POLR2M: variants seen among roughly 807,000 people sequenced by gnomAD.
POLR2M encodes RNA polymerase II subunit M.
Under a neutral mutation model 34.6 loss-of-function variants are expected in POLR2M, and 30 were observed. The observed-to-expected ratio is 0.87, with a 90% confidence interval of 0.65 to 1.18. POLR2M has a LOEUF of 1.18. Among genes scored for constraint, POLR2M ranks in the 50% most tolerant of loss-of-function variants. POLR2M has a pLI of 0.00. For synonymous variants in POLR2M, 150 were observed against 166.7 expected (o/e 0.90, Z 0.77); for missense variants, 432 against 448.7 (o/e 0.96, Z 0.34).
intron 2 of POLR2M, among the ~76,000 whole-genome samples, chr15:57,709,779 G>C (rs1214318399): frequency 1.3e-5 from 2 of 152,140 alleles, no homozygotes; most frequent in Non-Finnish European, 2.9e-5. Flanking sequence ...GAGTTGGAGA[G>C]AATTTATTAT....
chr15:57,713,820 CTTTTTTTTTTTTTTTTTTTTTTTTTT>C (rs869161314), intron 3 of POLR2M, among the ~76,000 whole-genome samples: 17 of 65,640 alleles, frequency 2.6e-4, no homozygotes, highest in African/African-American at 8.3e-4. Context: ...ATTAGTCCTT[CTTTTTTTTTTTTTTTTTTTTTTTTTT>C]TTTTTTTTTT....
chr15:57,712,945 T>C (rs2040792330), intron 3 of POLR2M, among the ~76,000 whole-genome samples: 1 of 152,260 alleles, frequency 6.6e-6, no homozygotes, highest in East Asian at 1.9e-4. Context: ...TTAGCTAGAT[T>C]TTAGTCAGGT....
chr15:57,707,105 G>A lies in POLR2M; in HGVS notation c.113+150G>A, dbSNP rs1395873663. Reference sequence around the variant, plus strand: ...CAGTCCTACGGGCGAGTGGACGGAGGGCTTGCTGCGGCAGAGCCGTGCCTC... The same window carrying A: ...CAGTCCTACGGGCGAGTGGACGGAGAGCTTGCTGCGGCAGAGCCGTGCCTC... On this transcript the variant is annotated intron_variant, in intron 1 of 3. Coordinates refer to ENST00000299638, the MANE Select transcript of POLR2M (RefSeq NM_015532.5). 3.9e-6 allele frequency: 6 copies of A among 1,546,642 alleles called. No homozygotes were observed. In the East Asian group the frequency reaches 1.5e-4, roughly 38 times the overall value.
rs1440187750 is a variant in POLR2M, at chr15:57,708,970, T to C, written c.370T>C (p.Ser124Pro). 2.5e-6 allele frequency: 4 copies of C among 1,614,116 alleles called. No individual in the cohort carries two copies. The highest frequency in any genetic ancestry group is 3.4e-6 in the Non-Finnish European group (4 of 1,179,968). Residue 124 changes from serine (S) to proline (P), a missense_variant, in exon 2 of 4, where the codon TCT becomes CCT. Physicochemically the swap from Ser to Pro is moderately conservative, Grantham distance 74 (BLOSUM62 -1). Transcript: ENST00000299638. ...GCSSVDNIKS[S>P]QTSQNQGLGR... The stretch of plus-strand genomic sequence containing the variant: ...TTCCTCTGTAGATAACATCAAGTCA[T>C]CTCAAACCTCACAAAACCAGGGACT...
intron 2 of POLR2M, among the ~76,000 whole-genome samples, chr15:57,710,766 C>G (rs371264419): frequency 1.3e-5 from 2 of 152,042 alleles, no homozygotes; most frequent in Admixed American, 6.5e-5. Context: ...CAGGGAGCCT[C>G]CTGTATAAGT....
intron 1 of POLR2M, 132 bp downstream of exon 1, chr15:57,707,087 A>G (rs565182386): frequency 1.9e-6 from 3 of 1,549,990 alleles, no homozygotes; most frequent in Admixed American, 2.0e-5. Context: ...CTTCAGTCCT[A>G]CGGGCGAGTG....
chr15:57,712,377 A>C (rs2040761384), intron 3 of POLR2M, among the ~76,000 whole-genome samples, 189 bp downstream of exon 3: 1 of 152,206 alleles, frequency 6.6e-6, no homozygotes, highest in African/African-American at 2.4e-5. Flanking sequence ...AGAGATGATC[A>C]CAGCTACCTT....
In POLR2M at chr15:57,714,623, G is replaced by A; in HGVS notation, c.1051G>A (p.Gly351Arg). 6.2e-7 allele frequency: 1 copy of A among 1,612,848 alleles called. No homozygotes were observed. Among genetic ancestry groups the A allele is most frequent in the South Asian group, 1.1e-5 (1 of 91,018 alleles). The change falls in exon 4 of 4, where the codon GGG becomes AGG. Residue 351 changes from glycine to arginine, a missense_variant. Coordinates refer to ENST00000299638, the MANE Select transcript of POLR2M (RefSeq NM_015532.5). ...TTATAATCCAGAAGGGGAGTCTTCA[G>A]GGAGATACCGAGAAGTAAGGGATGA... ...RSYNPEGESS[G>R]RYREVRDEDD...
chr15:57,711,188 C>G (rs1391827748), intron 2 of POLR2M, among the ~76,000 whole-genome samples: 2 of 152,172 alleles, frequency 1.3e-5, no homozygotes, highest in African/African-American at 4.8e-5. Flanking sequence ...ATCTCCATAT[C>G]TGCTAGCCAT....
chr15:57,711,745 G>GAAA (rs11459856), intron 2 of POLR2M, among the ~76,000 whole-genome samples: 6,310 of 125,098 alleles, frequency 0.05, 183 homozygotes, highest in Middle Eastern at 0.13. Context: ...TTGAATAAAT[G>GAAA]AAAAAAAAAA....
chr15:57,711,685 T>A (rs1484279653), intron 2 of POLR2M, among the ~76,000 whole-genome samples: 3 of 151,414 alleles, frequency 2.0e-5, no homozygotes, highest in East Asian at 3.9e-4. Flanking sequence ...ACTGAAACTT[T>A]ACATGTGTAT....
At chr15:57,707,990 C>G (rs1345493695) in intron 1 of POLR2M, among the ~76,000 whole-genome samples, 2 of 152,140 alleles carry the variant, frequency 1.3e-5, no homozygotes, top group African/African-American at 4.8e-5. Flanking sequence ...AAAAGGAACT[C>G]TGTCATCCAG....
rs191551756 is a variant in POLR2M, at chr15:57,715,074, C to G, written c.*395C>G. On this transcript the variant is annotated 3_prime_UTR_variant, in exon 4 of 4. Transcript: ENST00000299638. Reference sequence around the variant, plus strand: ...CTTAGTTGTTCCAGGCACCTAAAATCAATTAGGAAGACATAGTTCCCTTCT... The same window carrying G: ...CTTAGTTGTTCCAGGCACCTAAAATGAATTAGGAAGACATAGTTCCCTTCT... 8.5e-4 allele frequency: 152 copies of G among 179,716 alleles called. No homozygotes were observed. Among genetic ancestry groups the G allele is most frequent in the African/African-American group, 3.3e-3 (139 of 41,678 alleles). The allele number at this position is 179,716 out of a possible 1,614,324, so 11.1% of individuals were successfully genotyped here.
Position 57,706,933 on chromosome 15 carries a change from C to T in POLR2M, c.91C>T (p.Gln31Ter). Residue 31 changes from glutamine to a stop codon, truncating the protein, a stop_gained, in exon 1 of 4, where the codon CAG becomes TAG. Transcript: ENST00000299638. LOFTEE classifies it high-confidence loss of function. ...GGAGCTGCGGGAAATGTTGAAGCGC[C>T]AGGAGAGACTTTTGCGCAACGAGTA... ...LVELREMLKRQERLLRNEKFI... is the reference protein window; with the variant it reads ...LVELREMLKR 6.2e-7 allele frequency: 1 copy of T among 1,603,828 alleles called. No individual in the cohort carries two copies. Among genetic ancestry groups the T allele is most frequent in the Non-Finnish European group, 8.5e-7 (1 of 1,175,242 alleles).
Position 57,714,567 on chromosome 15 carries a change from T to G in POLR2M, c.995T>G (p.Leu332Ter), listed in dbSNP as rs1301368207. Residue 332 changes from leucine to a stop codon, truncating the protein, a stop_gained, in exon 4 of 4, where the codon TTA becomes TGA. Transcript: ENST00000299638. LOFTEE classifies it high-confidence loss of function. The part of the protein sequence containing the change: ...EMQAKLAAQK[L>*]AERLNIKMRS... ...CAAGCAAAGCTCGCAGCGCAAAAAT[T>G]AGCTGAAAGACTGAATATTAAAATG... is the stretch of plus-strand genomic sequence containing the variant. The G allele has an allele frequency of 1.9e-6, 3 of 1,613,760 alleles. No homozygotes were observed. Among genetic ancestry groups the G allele is most frequent in the Non-Finnish European group, 2.5e-6 (3 of 1,179,866 alleles).
intron 1 of POLR2M, chr15:57,707,303 C>A: frequency 1.4e-6 from 1 of 738,380 alleles, no homozygotes; most frequent in Non-Finnish European, 2.3e-6. Flanking sequence ...AACAGATTGT[C>A]AGCTTCATCT....
chr15:57,709,571 T>C (rs544608781), intron 2 of POLR2M, among the ~76,000 whole-genome samples: 1 of 152,304 alleles, frequency 6.6e-6, no homozygotes, highest in Admixed American at 6.5e-5. Context: ...ATGCTCTAAG[T>C]TCCGTGGGCT....
chr15:57,711,937 A>T (rs1427567044), intron 2 of POLR2M, 47 bp from the exon 3 acceptor site: 1 of 1,604,228 alleles, frequency 6.2e-7, no homozygotes, highest in Non-Finnish European at 8.5e-7. Context: ...AAATGTGTCT[A>T]CAAATAAAAT....
chr15:57,715,490 G>A lies in POLR2M; in HGVS notation c.*811G>A, dbSNP rs2040905105. ...TACAGGAGAAGCCCAAGCTAACTGA[G>A]CTGGGTGAAGGCTTGTGCATCACCT... On this transcript the variant is annotated 3_prime_UTR_variant, in exon 4 of 4. Coordinates refer to ENST00000299638, the MANE Select transcript of POLR2M (RefSeq NM_015532.5). 6.6e-6 allele frequency: 1 copy of A among 152,150 alleles called. No individual in the cohort carries two copies. Among genetic ancestry groups the A allele is most frequent in the African/African-American group, 2.4e-5 (1 of 41,422 alleles). The allele number at this position is 152,150 out of a possible 1,614,324, so 9.4% of individuals were successfully genotyped here.
Sources: allele counts gnomAD v4.1 joint callset (sites outside exome capture counted in the v4.1 genomes callset), GRCh38; gene constraint gnomAD v4.1.1; transcripts MANE v1.5; gene names NCBI Gene and HGNC (gene_info 2026-07-23, HGNC 2026-07-21).